IQCJ: variants seen among roughly 807,000 people sequenced by gnomAD.
The protein encoded by IQCJ is IQ motif containing J.
IQCJ carries 9 observed loss-of-function variants against 11.0 expected under a neutral mutation model. That is an observed-to-expected ratio of 0.82 (90% CI 0.49 to 1.43). The LOEUF is 1.43. IQCJ is among the 40% of genes most tolerant of loss of function. The pLI is 0.00. For synonymous variants in IQCJ, 55 were observed against 51.3 expected, an observed-to-expected ratio of 1.07 and a Z score of -0.31; for missense variants, 146 against 133.2, an observed-to-expected ratio of 1.10 and a Z score of -0.47.
chr3:159,226,817 T>G (rs750907215), intron 1 of IQCJ, among the ~76,000 whole-genome samples: 2 of 152,136 alleles, frequency 1.3e-5, no homozygotes, highest in Non-Finnish European at 2.9e-5. Context: ...TTTGGCAAAG[T>G]TCTATTTTTT....
At chr3:159,191,838 A>C (rs1723708898) in intron 1 of IQCJ, among the ~76,000 whole-genome samples, 3 of 152,246 alleles carry the variant, frequency 2.0e-5, no homozygotes, top group Admixed American at 6.5e-5. Context: ...AAACGGAGGC[A>C]GTTGGACACA....
At chr3:159,190,527 G>A (rs1723621831) in intron 1 of IQCJ, among the ~76,000 whole-genome samples, 1 of 152,192 alleles carries the variant, frequency 6.6e-6, no homozygotes, top group Admixed American at 6.5e-5. Flanking sequence ...TTCAGAGGCA[G>A]CTGGAAGTTT....
intron 1 of IQCJ, among the ~76,000 whole-genome samples, chr3:159,239,958 T>C (rs1726820506): frequency 6.6e-6 from 1 of 152,162 alleles, no homozygotes; most frequent in African/African-American, 2.4e-5. Context: ...CACACAATGA[T>C]GAAATCTCCT....
intron 1 of IQCJ, among the ~76,000 whole-genome samples, chr3:159,197,305 T>C (rs1724044250): frequency 6.6e-6 from 1 of 152,216 alleles, no homozygotes; most frequent in Non-Finnish European, 1.5e-5. Flanking sequence ...ATTCTGCTTC[T>C]TCAAAATTTC....
At chr3:159,085,831 G>C (rs1716716056) in intron 1 of IQCJ, among the ~76,000 whole-genome samples, 1 of 150,858 alleles carries the variant, frequency 6.6e-6, no homozygotes, top group Non-Finnish European at 1.5e-5. Flanking sequence ...TTTGTCAGAT[G>C]AGTAGGTTGT....
At chr3:159,155,688 A>G (rs1188136650) in intron 1 of IQCJ, among the ~76,000 whole-genome samples, 2 of 152,264 alleles carry the variant, frequency 1.3e-5, no homozygotes, top group African/African-American at 4.8e-5. Flanking sequence ...CCAGTCACTC[A>G]GGATGATTTT....
intron 1 of IQCJ, among the ~76,000 whole-genome samples, chr3:159,172,369 G>A (rs1302559217): frequency 6.6e-6 from 1 of 151,888 alleles, no homozygotes; most frequent in Admixed American, 6.6e-5. Flanking sequence ...CATAGAAAAA[G>A]TATCAGAAGG....
intron 1 of IQCJ, among the ~76,000 whole-genome samples, chr3:159,135,076 A>C (rs1021912596): frequency 1.3e-5 from 2 of 152,186 alleles, no homozygotes; most frequent in Non-Finnish European, 2.9e-5. Context: ...TCTATAAATT[A>C]TCTGAAGCCA....
chr3:159,244,629 A>G (rs1314503406), intron 1 of IQCJ, among the ~76,000 whole-genome samples: 1 of 152,148 alleles, frequency 6.6e-6, no homozygotes, highest in African/African-American at 2.4e-5. Flanking sequence ...AGTTGGGGAG[A>G]TACAGGATTT....
At chr3:159,215,932 C>G (rs575776039) in intron 1 of IQCJ, among the ~76,000 whole-genome samples, 1 of 152,124 alleles carries the variant, frequency 6.6e-6, no homozygotes, top group Admixed American at 6.5e-5. Context: ...CACCACTGTA[C>G]ACCCAGGGCC....
chr3:159,153,071 A>G (rs879614075), intron 1 of IQCJ, among the ~76,000 whole-genome samples: 10 of 152,218 alleles, frequency 6.6e-5, no homozygotes, highest in Admixed American at 3.9e-4. Context: ...AGGGTCAGAG[A>G]AGTATATAAT....
chr3:159,184,323 T>C (rs867491899), intron 1 of IQCJ, among the ~76,000 whole-genome samples: 1 of 152,218 alleles, frequency 6.6e-6, no homozygotes. Flanking sequence ...CATCATATTA[T>C]TTGGGTCTCA....
intron 1 of IQCJ, among the ~76,000 whole-genome samples, chr3:159,178,285 G>A (rs1722895715): frequency 6.6e-6 from 1 of 152,192 alleles, no homozygotes; most frequent in Non-Finnish European, 1.5e-5. Context: ...GGATGAGGAT[G>A]TGCTAAGATA....
chr3:159,194,186 A>G (rs1723847953), intron 1 of IQCJ, among the ~76,000 whole-genome samples: 1 of 152,208 alleles, frequency 6.6e-6, no homozygotes, highest in Admixed American at 6.5e-5. Flanking sequence ...ACTTGCTCAG[A>G]TATGAAATTG....
At chr3:159,214,575 T>C (rs1354708087) in intron 1 of IQCJ, among the ~76,000 whole-genome samples, 1 of 152,222 alleles carries the variant, frequency 6.6e-6, no homozygotes, top group Non-Finnish European at 1.5e-5. Context: ...TGACTCAATT[T>C]CTACATGTGG....
At chr3:159,250,477 A>C (rs1223034235) in intron 2 of IQCJ, among the ~76,000 whole-genome samples, 1 of 152,216 alleles carries the variant, frequency 6.6e-6, no homozygotes, top group Non-Finnish European at 1.5e-5. Context: ...TCACACTGCT[A>C]TGAAGAAATA....
At chr3:159,165,466 A>G (rs1722110936) in intron 1 of IQCJ, among the ~76,000 whole-genome samples, 1 of 152,346 alleles carries the variant, frequency 6.6e-6, no homozygotes, top group African/African-American at 2.4e-5. Context: ...CCCTCAGATT[A>G]TATTACACAG....
At chr3:159,081,163 T>C (rs1716281328) in intron 1 of IQCJ, among the ~76,000 whole-genome samples, 1 of 152,114 alleles carries the variant, frequency 6.6e-6, no homozygotes, top group Non-Finnish European at 1.5e-5. Context: ...AGGTGTCTTT[T>C]ATTGTGTGAT....
chr3:159,254,013 C>T (rs1325034873), intron 3 of IQCJ, among the ~76,000 whole-genome samples: 1 of 152,206 alleles, frequency 6.6e-6, no homozygotes, highest in Non-Finnish European at 1.5e-5. Context: ...GGGTGCCCAG[C>T]TACAAAGTTC....
Sources: allele counts gnomAD v4.1 joint callset (sites outside exome capture counted in the v4.1 genomes callset), GRCh38; gene constraint gnomAD v4.1.1; transcripts MANE v1.5; gene names NCBI Gene and HGNC (gene_info 2026-07-23, HGNC 2026-07-21).